Variants in NR3C2 observed in about 807,000 individuals in gnomAD.
The protein encoded by NR3C2 is nuclear receptor subfamily 3 group C member 2, also known as mineralocorticoid receptor.
NR3C2 carries 15 observed loss-of-function variants against 86.4 expected under a neutral mutation model. The observed-to-expected ratio is 0.17, with a 90% CI of 0.12 to 0.27. The LOEUF (loss-of-function observed/expected upper bound fraction) is 0.27, where lower values mean the gene tolerates loss of function less well. Ranked by LOEUF, NR3C2 falls within the 10% of genes least tolerant of loss-of-function variation. The pLI is 1.00. For synonymous variants in NR3C2, 458 were observed against 450.5 expected (o/e 1.02, Z -0.21); for missense variants, 960 against 1,195.6 (o/e 0.80, Z 2.91).
intron 3 of NR3C2, among the ~76,000 whole-genome samples, chr4:148,258,193 T>C (rs1268032986): frequency 6.6e-6 from 1 of 152,198 alleles, no homozygotes; most frequent in Non-Finnish European, 1.5e-5. Context: ...CCACATCACT[T>C]TATTTTGACA....
At chr4:148,118,207 C>T (rs1732357105) in intron 7 of NR3C2, among the ~76,000 whole-genome samples, 2 of 152,180 alleles carry the variant, frequency 1.3e-5, no homozygotes, top group Admixed American at 1.3e-4. Context: ...ATGCCACTAA[C>T]TTCTCTCCTC....
chr4:148,251,019 C>A (rs1579067675), intron 3 of NR3C2, among the ~76,000 whole-genome samples: 1 of 151,992 alleles, frequency 6.6e-6, no homozygotes, highest in East Asian at 1.9e-4. Flanking sequence ...GGTGTGATCT[C>A]AGCTCACTAT....
chr4:148,203,272 G>A (rs537893478), intron 3 of NR3C2, among the ~76,000 whole-genome samples: 8 of 151,638 alleles, frequency 5.3e-5, no homozygotes, highest in South Asian at 2.1e-4. Flanking sequence ...TACCCCGGTC[G>A]ATACTCTAGA....
At chr4:148,204,506 A>T (rs1736903096) in intron 3 of NR3C2, among the ~76,000 whole-genome samples, 1 of 152,186 alleles carries the variant, frequency 6.6e-6, no homozygotes, top group Admixed American at 6.5e-5. Context: ...GATTGGTCAT[A>T]TTATCCCCAT....
intron 3 of NR3C2, 81 bp from the exon 4 acceptor site, chr4:148,194,943 C>T: frequency 1.0e-6 from 1 of 1,001,350 alleles, no homozygotes; most frequent in Non-Finnish European, 1.5e-6. Flanking sequence ...GAATATAAAA[C>T]TACTTCTTTC....
At chr4:148,390,886 A>G (rs1300384660) in intron 2 of NR3C2, among the ~76,000 whole-genome samples, 1 of 152,220 alleles carries the variant, frequency 6.6e-6, no homozygotes, top group Non-Finnish European at 1.5e-5. Flanking sequence ...TTTATCTGGT[A>G]CACCACAGTA....
At chr4:148,242,507 G>C (rs1266742016) in intron 3 of NR3C2, among the ~76,000 whole-genome samples, 1 of 152,102 alleles carries the variant, frequency 6.6e-6, no homozygotes, top group East Asian at 1.9e-4. Flanking sequence ...ATGTGAGAGG[G>C]GTCCACAGCA....
At position 148,097,760 on chromosome 4, in the gene NR3C2, T is replaced by G. The variant is rs540480566; in HGVS notation, c.2800-16261A>C. ...TTTTGCGTTTTTTTTTGTTTTTTTT[T>G]TTTTTTTTAAGCTCATCAGCTGTCG... On this transcript the variant is annotated intron_variant, in intron 8 of 8. Coordinates refer to ENST00000358102, the MANE Select transcript of NR3C2 (RefSeq NM_000901.5). Among the ~76,000 whole-genome samples the G allele has an allele frequency of 2.8e-5, 4 of 143,518 alleles. No homozygotes were observed. The East Asian group carries it at 8.0e-4, about 29-fold the overall frequency. The allele number at this position is 143,518 out of a possible 152,430, so 94.2% of individuals were successfully genotyped here.
intron 4 of NR3C2, among the ~76,000 whole-genome samples, chr4:148,173,723 CTTCCTTCTTG>C (rs1174774147): frequency 6.6e-6 from 1 of 152,262 alleles, no homozygotes; most frequent in Non-Finnish European, 1.5e-5. Flanking sequence ...ATCCAGGGGG[CTTCCTTCTTG>C]GTCCTCCTAT....
intron 2 of NR3C2, among the ~76,000 whole-genome samples, chr4:148,263,161 A>G (rs1740214430): frequency 6.6e-6 from 1 of 152,158 alleles, no homozygotes; most frequent in Admixed American, 6.6e-5. Flanking sequence ...CGCTTGGTGA[A>G]TGACTTTCCA....
At chr4:148,378,880 G>T (rs1211234235) in intron 2 of NR3C2, among the ~76,000 whole-genome samples, 1 of 152,074 alleles carries the variant, frequency 6.6e-6, no homozygotes, top group Non-Finnish European at 1.5e-5. Context: ...AGGATACATT[G>T]CACCATGATT....
At chr4:148,262,319 G>T (rs1400683490) in intron 2 of NR3C2, among the ~76,000 whole-genome samples, 1 of 151,552 alleles carries the variant, frequency 6.6e-6, no homozygotes, top group Non-Finnish European at 1.5e-5. Context: ...TTACTTTCTC[G>T]GTGATCTCAT....
intron 3 of NR3C2, among the ~76,000 whole-genome samples, chr4:148,245,012 G>A (rs1739248555): frequency 6.6e-6 from 1 of 152,238 alleles, no homozygotes. Flanking sequence ...ACCAGGATTC[G>A]AAGCAGCCCC....
At chr4:148,424,819 C>A (rs985955740) in intron 2 of NR3C2, among the ~76,000 whole-genome samples, 23 of 152,234 alleles carry the variant, frequency 1.5e-4, no homozygotes, top group African/African-American at 5.1e-4. Context: ...TAGAACTCTT[C>A]TGCATCTCAA....
chr4:148,190,561 G>A (rs559444864), intron 4 of NR3C2, among the ~76,000 whole-genome samples: 6 of 152,160 alleles, frequency 3.9e-5, no homozygotes, highest in Non-Finnish European at 7.4e-5. Context: ...TTGTTCCAAG[G>A]TATAGTTTAA....
chr4:148,442,596 G>A (rs1327651545), upstream of NR3C2: 1 of 972,252 alleles, frequency 1.0e-6, no homozygotes, highest in Non-Finnish European at 1.2e-6. Context: ...GGCCCGAAGA[G>A]AAGCAAGGCT....
At chr4:148,415,071 A>G (rs1748925518) in intron 2 of NR3C2, among the ~76,000 whole-genome samples, 1 of 152,382 alleles carries the variant, frequency 6.6e-6, no homozygotes, top group East Asian at 1.9e-4. Flanking sequence ...CCTAATACCA[A>G]TTAATAAATA....
At chr4:148,136,800 G>A (rs1226084806) in intron 6 of NR3C2, among the ~76,000 whole-genome samples, 1 of 151,986 alleles carries the variant, frequency 6.6e-6, no homozygotes, top group East Asian at 1.9e-4. Context: ...TTTTAAACTC[G>A]AGTGCCCATC....
At chr4:148,414,562 T>C (rs1748902520) in intron 2 of NR3C2, among the ~76,000 whole-genome samples, 1 of 152,210 alleles carries the variant, frequency 6.6e-6, no homozygotes, top group African/African-American at 2.4e-5. Flanking sequence ...AGTAGATAAC[T>C]ATAATCCACC....
Sources: gnomAD v4.1 joint callset for allele counts (sites outside exome capture counted in the v4.1 genomes callset) on GRCh38, gnomAD v4.1.1 for gene constraint, MANE v1.5 for transcripts, NCBI Gene and HGNC (gene_info 2026-07-23, HGNC 2026-07-21) for gene names.